The following MYRIP variants were observed in gnomAD, a reference collection of about 807,000 sequenced individuals.
MYRIP encodes the protein myosin VIIA and Rab interacting protein.
Under a neutral mutation model 98.0 loss-of-function variants are expected in MYRIP, and 49 were observed. That is an observed-to-expected ratio of 0.50 (90% confidence interval 0.40 to 0.63). MYRIP has a LOEUF of 0.63. MYRIP is among the 30% of genes least tolerant of loss of function. The pLI is 0.00. For missense variants in MYRIP, 1,004 were observed against 1,058.2 expected (o/e 0.95, Z 0.71); for synonymous variants, 404 against 409.5 (o/e 0.99, Z 0.16).
intron 3 of MYRIP, among the ~76,000 whole-genome samples, chr3:40,114,608 A>ATCT (rs760150332): frequency 2.0e-5 from 3 of 152,272 alleles, no homozygotes; most frequent in Non-Finnish European, 4.4e-5. Context: ...CAAGCCAAGA[A>ATCT]AGAAAAAAGG....
intron 1 of MYRIP, among the ~76,000 whole-genome samples, chr3:39,866,748 T>C (rs1382347157): frequency 6.6e-6 from 1 of 152,194 alleles, no homozygotes; most frequent in Non-Finnish European, 1.5e-5. Flanking sequence ...AAAATATGTA[T>C]ACTACCCAAA....
At chr3:40,062,032 C>A (rs1396769062) in intron 3 of MYRIP, among the ~76,000 whole-genome samples, 2 of 152,142 alleles carry the variant, frequency 1.3e-5, no homozygotes, top group African/African-American at 4.8e-5. Flanking sequence ...TAAAAATTTT[C>A]TCCCATTCTG....
At chr3:40,118,994 G>T (rs9848609) in intron 3 of MYRIP, among the ~76,000 whole-genome samples, 78,887 of 151,038 alleles carry the variant, frequency 0.52, 20,907 homozygotes, top group Admixed American at 0.61. Context: ...GGACATTTGG[G>T]TTGGTTCCAA....
chr3:39,984,661 G>A lies in MYRIP; in HGVS notation c.111-59389G>A, dbSNP rs112274744. On this transcript the variant is annotated intron_variant, in intron 2 of 16. Transcript: ENST00000302541. ...TTTGGGTTGGTTCCAAGTCTTTGCTGTTGTGAATAATGCCTCAATAAACAT... is the reference window on the plus strand; with the variant it reads ...TTTGGGTTGGTTCCAAGTCTTTGCTATTGTGAATAATGCCTCAATAAACAT... 8.5e-3 allele frequency among the ~76,000 whole-genome samples: 1,292 copies of A among 151,978 alleles called. 15 individuals are homozygous for A. The highest frequency in any genetic ancestry group is 0.03 in the African/African-American group (1,234 of 41,336).
chr3:39,879,102 G>A (rs898795205), intron 1 of MYRIP, among the ~76,000 whole-genome samples: 2 of 151,364 alleles, frequency 1.3e-5, no homozygotes, highest in Non-Finnish European at 2.9e-5. Context: ...ATATATCTAT[G>A]TATATAGATA....
At chr3:39,815,204 A>C (rs974686864) in intron 1 of MYRIP, among the ~76,000 whole-genome samples, 5 of 152,154 alleles carry the variant, frequency 3.3e-5, no homozygotes, top group Admixed American at 2.6e-4. Flanking sequence ...ACCCAGCCCT[A>C]GGCAACCTTA....
intron 2 of MYRIP, among the ~76,000 whole-genome samples, chr3:40,011,639 G>A (rs1409392415): frequency 6.6e-6 from 1 of 152,136 alleles, no homozygotes; most frequent in African/African-American, 2.4e-5. Flanking sequence ...AGCAGCTGAA[G>A]GCAAACACAG....
chr3:40,104,941 T>G (rs988618460), intron 3 of MYRIP, among the ~76,000 whole-genome samples: 1 of 152,316 alleles, frequency 6.6e-6, no homozygotes, highest in African/African-American at 2.4e-5. Flanking sequence ...TTCTCTTTTT[T>G]TCATCCCTCT....
chr3:40,221,975 T>C (rs1559462638), intron 11 of MYRIP, among the ~76,000 whole-genome samples: 1 of 152,062 alleles, frequency 6.6e-6, no homozygotes, highest in South Asian at 2.1e-4. Flanking sequence ...CAAAGATAGA[T>C]TGGTCCAGAT....
At chr3:40,201,878 A>T (rs1951571780) in intron 10 of MYRIP, among the ~76,000 whole-genome samples, 1 of 152,112 alleles carries the variant, frequency 6.6e-6, no homozygotes, top group Non-Finnish European at 1.5e-5. Flanking sequence ...AAAAGGGAAA[A>T]CTTCTACCTT....
intron 8 of MYRIP, among the ~76,000 whole-genome samples, chr3:40,171,745 T>C (rs1055752264): frequency 6.6e-6 from 1 of 152,268 alleles, no homozygotes; most frequent in Non-Finnish European, 1.5e-5. Flanking sequence ...GGATTCCTTG[T>C]GCAGCCAACA....
At chr3:39,949,687 A>G (rs1944968008) in intron 2 of MYRIP, among the ~76,000 whole-genome samples, 1 of 152,216 alleles carries the variant, frequency 6.6e-6, no homozygotes, top group Admixed American at 6.5e-5. Context: ...TGAAATGTGG[A>G]ATGACATTGA....
intron 2 of MYRIP, among the ~76,000 whole-genome samples, chr3:39,967,806 G>GT (rs1463901978): frequency 6.6e-6 from 1 of 152,090 alleles, no homozygotes; most frequent in Non-Finnish European, 1.5e-5. Flanking sequence ...TCTCACTGCG[G>GT]TTTTTATTTG....
rs1245538064 is a variant in MYRIP at position 40,143,423 on chromosome 3, T to TC, written c.333-7621dup. On this transcript the variant is annotated intron_variant, in intron 3 of 16. Transcript: ENST00000302541. ...GGGTGCTGGGGTCCTCACAGCCCTC[T>TC]CCCCGCACCTCTGCCCCATGAACCA... is the stretch of plus-strand genomic sequence containing the variant. 2.6e-5 allele frequency among the ~76,000 whole-genome samples: 4 copies of TC among 152,212 alleles called. No homozygotes were observed. In the East Asian group the frequency reaches 7.7e-4, roughly 29 times the overall value.
chr3:39,872,347 A>ATTG (rs1287925236), intron 1 of MYRIP, among the ~76,000 whole-genome samples: 1 of 151,628 alleles, frequency 6.6e-6, no homozygotes, highest in African/African-American at 2.4e-5. Context: ...TATTATTATT[A>ATTG]TTATTATACT....
intron 4 of MYRIP, among the ~76,000 whole-genome samples, chr3:40,159,486 T>C (rs1288318239): frequency 6.6e-6 from 1 of 151,902 alleles, no homozygotes; most frequent in African/African-American, 2.4e-5. Flanking sequence ...GAGTTGCTCT[T>C]CTCGAGGAGT....
At chr3:40,045,541 C>G (rs1186149599) in intron 3 of MYRIP, among the ~76,000 whole-genome samples, 1 of 152,148 alleles carries the variant, frequency 6.6e-6, no homozygotes, top group Non-Finnish European at 1.5e-5. Flanking sequence ...TCATCCATGC[C>G]TTCTATTTCT....
intron 3 of MYRIP, among the ~76,000 whole-genome samples, chr3:40,072,588 C>T (rs192871598): frequency 1.4e-4 from 22 of 152,270 alleles, no homozygotes; most frequent in Non-Finnish European, 2.2e-4. Context: ...TATTGTCACT[C>T]AATTCAAAAT....
chr3:39,902,266 C>T (rs1312145742), intron 2 of MYRIP, among the ~76,000 whole-genome samples: 1 of 152,160 alleles, frequency 6.6e-6, no homozygotes, highest in Non-Finnish European at 1.5e-5. Flanking sequence ...AACTAGGAAT[C>T]AAGTGGGAGG....
Sources: gnomAD v4.1 joint callset for allele counts (sites outside exome capture counted in the v4.1 genomes callset) on GRCh38, gnomAD v4.1.1 for gene constraint, MANE v1.5 for transcripts, NCBI Gene and HGNC (gene_info 2026-07-23, HGNC 2026-07-21) for gene names.